The following SGK1 variants were observed in gnomAD, a reference collection of about 807,000 sequenced individuals.
The protein encoded by SGK1 is serine/threonine-protein kinase Sgk1.
Under a neutral mutation model 64.2 loss-of-function variants are expected in SGK1, and 26 were observed. The observed-to-expected ratio is 0.40, with a 90% CI of 0.30 to 0.56. SGK1 has a LOEUF of 0.56. Among genes scored for constraint, SGK1 ranks in the 20% least tolerant of loss-of-function variants. The probability of loss-of-function intolerance (pLI) is 0.38; values close to 1 mark genes in which losing one functional copy is unlikely to be tolerated. For missense variants in SGK1, 519 were observed against 645.6 expected (o/e 0.80, Z 2.12); for synonymous variants, 265 against 239.7 (o/e 1.11, Z -0.98).
intron 1 of SGK1, among the ~76,000 whole-genome samples, chr6:134,283,656 T>G (rs11969994): frequency 0.016 from 2,362 of 151,638 alleles, 78 homozygotes; most frequent in African/African-American, 0.054. Flanking sequence ...GAGATCAGCT[T>G]GGGCAATACA....
chr6:134,205,639 T>C (rs113051656), intron 3 of SGK1, among the ~76,000 whole-genome samples: 1,879 of 152,344 alleles, frequency 0.012, 36 homozygotes, highest in African/African-American at 0.041. Flanking sequence ...CTTGGTATTT[T>C]CTGGCTGCGA....
chr6:134,234,924 T>C (rs1281301493), intron 2 of SGK1, among the ~76,000 whole-genome samples: 2 of 152,140 alleles, frequency 1.3e-5, no homozygotes, highest in Non-Finnish European at 2.9e-5. Context: ...GGAAATTATT[T>C]AGAAGACAGC....
intron 1 of SGK1, among the ~76,000 whole-genome samples, chr6:134,287,036 A>G (rs1409024361): frequency 2.0e-5 from 3 of 151,970 alleles, no homozygotes; most frequent in African/African-American, 7.3e-5. Flanking sequence ...CAGTGGTACC[A>G]TCTTGGCTCA....
intron 3 of SGK1, among the ~76,000 whole-genome samples, chr6:134,178,567 G>A (rs1775283853): frequency 1.3e-5 from 2 of 152,180 alleles, no homozygotes; most frequent in African/African-American, 4.8e-5. Context: ...TCCTCCTACT[G>A]GGAGGAATCC....
Position 134,170,442 on chromosome 6 carries a change from C to CG in SGK1, c.1414-8dup. 1.2e-6 allele frequency: 2 copies of CG among 1,605,454 alleles called. No homozygotes were observed. Among genetic ancestry groups the CG allele is most frequent in the Non-Finnish European group, 1.7e-6 (2 of 1,174,092 alleles). On this transcript the variant is annotated splice_region_variant and splice_polypyrimidine_tract_variant and intron_variant, in intron 13 of 13. Transcript: ENST00000367858. ...GTAGGTCGTTGGGCCCACTCTGTGA[C>CG]GGGAAGGGAAAAACACTCTTGTCAA...
intron 1 of SGK1, among the ~76,000 whole-genome samples, chr6:134,313,967 G>A (rs969153147): frequency 5.9e-5 from 9 of 152,074 alleles, no homozygotes; most frequent in Admixed American, 5.9e-4. Flanking sequence ...AAACTGATAA[G>A]GACATTTTTC....
chr6:134,177,105 TCGGGAGGCTGAGGCAGGAGAATCGCTTGA>T (rs1282096617), intron 3 of SGK1, among the ~76,000 whole-genome samples: 41 of 152,028 alleles, frequency 2.7e-4, no homozygotes, highest in African/African-American at 8.9e-4. Context: ...TCCCAGTTAC[TCGGGAGGCTGAGGCAGGAGAATCGCTTGA>T]ACCCGGGAGG....
intron 2 of SGK1, among the ~76,000 whole-genome samples, chr6:134,258,438 C>T (rs1027056362): frequency 7.2e-5 from 11 of 152,168 alleles, no homozygotes; most frequent in Non-Finnish European, 1.5e-4. Flanking sequence ...GGCATGGTGG[C>T]TCACACCTGT....
chr6:134,242,856 A>G (rs1562262638), intron 2 of SGK1, among the ~76,000 whole-genome samples: 2 of 152,212 alleles, frequency 1.3e-5, no homozygotes, highest in Non-Finnish European at 2.9e-5. Flanking sequence ...ACTAATGGTT[A>G]AAAAACAAAC....
intron 1 of SGK1, among the ~76,000 whole-genome samples, chr6:134,264,005 A>T (rs1029025384): frequency 1.3e-5 from 2 of 152,230 alleles, no homozygotes; most frequent in Non-Finnish European, 2.9e-5. Context: ...AGATGGAAAA[A>T]CAAACGCATA....
At chr6:134,175,218 G>T (rs1775191376) in intron 3 of SGK1, among the ~76,000 whole-genome samples, 1 of 152,214 alleles carries the variant, frequency 6.6e-6, no homozygotes, top group Non-Finnish European at 1.5e-5. Context: ...GAGAAAGCCG[G>T]GTTCGCAGCG....
Position 134,170,353 on chromosome 6 carries a change from C to T in SGK1, c.1496G>A (p.Ser499Asn). 6.2e-7 allele frequency: 1 copy of T among 1,614,126 alleles called. No homozygotes were observed. Among genetic ancestry groups the T allele is most frequent in the South Asian group, 1.1e-5 (1 of 91,084 alleles). ...VPNSIGKSPD[S>N]VLVTASVKEA... ...CTTGACGCTGGCTGTGACGAGGACG[C>T]TGTCAGGGGACTTGCCAATGGAGTT... The change falls in exon 14 of 14, where the codon AGC (serine) becomes AAC (asparagine). Residue 499 changes from serine (S) to asparagine (N), a missense_variant. Physicochemically the swap from Ser to Asn is conservative, Grantham distance 46. This residue lies in a region of SGK1 where 278 missense variants were observed against 408.7 expected (regional missense o/e 0.68). Transcript: ENST00000367858.
chr6:134,267,531 G>A (rs898981839), intron 1 of SGK1, among the ~76,000 whole-genome samples: 1 of 152,024 alleles, frequency 6.6e-6, no homozygotes, highest in African/African-American at 2.4e-5. Context: ...GGTCTCAAGT[G>A]ATCCTCCTGC....
chr6:134,244,098 G>A (rs1469396787), intron 2 of SGK1, among the ~76,000 whole-genome samples: 3 of 151,984 alleles, frequency 2.0e-5, no homozygotes, highest in Admixed American at 6.6e-5. Flanking sequence ...ATCTACATTA[G>A]GTATTTCTCC....
At chr6:134,292,618 T>C (rs1255822220) in intron 1 of SGK1, among the ~76,000 whole-genome samples, 1 of 151,852 alleles carries the variant, frequency 6.6e-6, no homozygotes, top group Non-Finnish European at 1.5e-5. Flanking sequence ...AGCCCAGGAA[T>C]AGGTTATATG....
intron 1 of SGK1, among the ~76,000 whole-genome samples, chr6:134,266,385 C>A (rs990703101): frequency 2.6e-5 from 4 of 151,946 alleles, no homozygotes; most frequent in Admixed American, 2.6e-4. Flanking sequence ...GAGGCTGAGG[C>A]GTGTGGATCA....
rs145179469 is a variant in SGK1, at chr6:134,268,463, T to C, written c.70-6315A>G. Among the ~76,000 whole-genome samples, 725 of 152,154 alleles carry C rather than the reference T, an allele frequency of 4.8e-3. 7 individuals are homozygous for C. Among genetic ancestry groups the C allele is most frequent in the African/African-American group, 0.016 (680 of 41,534 alleles). On this transcript the variant is annotated intron_variant, in intron 1 of 13. Transcript: ENST00000367858. The stretch of plus-strand genomic sequence containing the variant: ...TTCCCAGGCCGGGCGCTGTGGCTCA[T>C]GCCTGTAATCCCAGTACTTTGGGAG...
intron 6 of SGK1, 26 bp downstream of exon 6, chr6:134,173,436 C>T (rs375840175): frequency 8.8e-6 from 14 of 1,586,598 alleles, no homozygotes; most frequent in Non-Finnish European, 1.0e-5. Context: ...GGAAGTGTAC[C>T]AAAAGATCTT....
rs1776785532 is a variant in SGK1 at position 134,262,676 on chromosome 6, G to A, written c.70-528C>T. On this transcript the variant is annotated intron_variant, in intron 1 of 13. Coordinates refer to ENST00000367858, the MANE Select transcript of SGK1 (RefSeq NM_001143676.3). ...ATAGCCCCGCTGCACTCCAGCCTGG[G>A]TGACAGAGCAAGACTGTCTCCAACC... Among the ~76,000 whole-genome samples the A allele has an allele frequency of 3.3e-5, 5 of 151,888 alleles. No individual in the cohort carries two copies. The South Asian group carries it at 1.0e-3, about 32-fold the overall frequency.
Sources: gnomAD v4.1 joint callset for allele counts (sites outside exome capture counted in the v4.1 genomes callset) on GRCh38, gnomAD v4.1.1 for gene constraint, gnomAD v4.1.1 regional missense constraint, MANE v1.5 for transcripts, NCBI Gene and HGNC (gene_info 2026-07-23, HGNC 2026-07-21) for gene names.